WWOX: variants seen among roughly 807,000 people sequenced by gnomAD.
The protein encoded by WWOX is WW domain containing oxidoreductase.
A neutral mutation model predicts 46.2 loss-of-function variants in WWOX; 69 were observed. The observed-to-expected ratio is 1.49, with a 90% CI of 1.23 to 1.82. The LOEUF (loss-of-function observed/expected upper bound fraction) is 1.82. Among genes scored for constraint, WWOX ranks in the 40% most tolerant of loss-of-function variants. The pLI is 0.00. For missense variants in WWOX, 919 were observed against 542.6 expected, an observed-to-expected ratio of 1.69 and a Z score of -6.89; for synonymous variants, 359 against 202.6, an observed-to-expected ratio of 1.77 and a Z score of -6.56.
chr16:78,519,386 C>G (rs1274636797), intron 8 of WWOX, among the ~76,000 whole-genome samples: 1 of 152,148 alleles, frequency 6.6e-6, no homozygotes, highest in Non-Finnish European at 1.5e-5. Context: ...GTTTCTTCCT[C>G]TACCCTCTTC....
chr16:79,169,017 G>A (rs1194980293), intron 8 of WWOX, among the ~76,000 whole-genome samples: 1 of 152,190 alleles, frequency 6.6e-6, no homozygotes, highest in Non-Finnish European at 1.5e-5. Context: ...CCCCTTTAAA[G>A]TGAAAGTTAT....
intron 8 of WWOX, among the ~76,000 whole-genome samples, chr16:78,972,214 G>A (rs1445794869): frequency 6.6e-6 from 1 of 152,046 alleles, no homozygotes; most frequent in Admixed American, 6.5e-5. Context: ...TGCTTGGAGG[G>A]GCGTTCAGAC....
At chr16:79,080,848 T>C (rs1370511885) in intron 8 of WWOX, among the ~76,000 whole-genome samples, 1 of 152,180 alleles carries the variant, frequency 6.6e-6, no homozygotes, top group Non-Finnish European at 1.5e-5. Context: ...GCTTTTATTC[T>C]AAGAGCAAAG....
chr16:78,756,866 A>G, intron 8 of WWOX: 1 of 701,950 alleles, frequency 1.4e-6, no homozygotes. Context: ...CAGACATCAG[A>G]GCATGTGACT....
intron 8 of WWOX, among the ~76,000 whole-genome samples, chr16:78,530,873 G>T (rs1428744639): frequency 2.0e-5 from 3 of 152,174 alleles, no homozygotes; most frequent in African/African-American, 7.2e-5. Flanking sequence ...TCCAGGAGCT[G>T]TGCTAAACGT....
intron 8 of WWOX, among the ~76,000 whole-genome samples, chr16:79,018,433 G>A (rs2550721): frequency 0.018 from 2,752 of 152,184 alleles, 89 homozygotes; most frequent in African/African-American, 0.061. Context: ...ATCCAAAAGC[G>A]GATTATTGAC....
chr16:79,196,056 G>A (rs375617967), intron 8 of WWOX, among the ~76,000 whole-genome samples: 2 of 152,178 alleles, frequency 1.3e-5, no homozygotes, highest in East Asian at 1.9e-4. Context: ...GTAGGAACCT[G>A]TTTGCATGTT....
chr16:78,902,942 G>A (rs781436181), intron 8 of WWOX, among the ~76,000 whole-genome samples: 17 of 152,224 alleles, frequency 1.1e-4, no homozygotes, highest in Non-Finnish European at 2.4e-4. Flanking sequence ...TCGCGGCTGA[G>A]TCGAGGATCC....
chr16:78,275,258 T>A (rs2151849888), intron 5 of WWOX, among the ~76,000 whole-genome samples: 1 of 152,318 alleles, frequency 6.6e-6, no homozygotes, highest in Admixed American at 6.5e-5. Context: ...CCTGGATTCT[T>A]GGTTTCTCTT....
chr16:79,034,192 A>C (rs918907631), intron 8 of WWOX, among the ~76,000 whole-genome samples: 2 of 152,144 alleles, frequency 1.3e-5, no homozygotes, highest in African/African-American at 4.8e-5. Flanking sequence ...TGCTACACTG[A>C]AGGGATATTT....
At chr16:78,436,657 C>G (rs1052816590) in intron 8 of WWOX, among the ~76,000 whole-genome samples, 1 of 152,172 alleles carries the variant, frequency 6.6e-6, no homozygotes, top group African/African-American at 2.4e-5. Context: ...AATTGGCGCT[C>G]TGAGCTTGCT....
chr16:78,278,754 G>C, intron 5 of WWOX: 4 of 1,146,196 alleles, frequency 3.5e-6, no homozygotes, highest in Non-Finnish European at 5.1e-6. Context: ...CTTCTATCTC[G>C]GTGATCTGAC....
chr16:78,844,931 G>A (rs1403685376), intron 8 of WWOX, among the ~76,000 whole-genome samples: 1 of 152,124 alleles, frequency 6.6e-6, no homozygotes, highest in African/African-American at 2.4e-5. Flanking sequence ...CTTTGGCCCT[G>A]AGAGAACAAC....
intron 8 of WWOX, among the ~76,000 whole-genome samples, chr16:79,012,805 T>C (rs1047323549): frequency 6.6e-6 from 1 of 152,236 alleles, no homozygotes; most frequent in Non-Finnish European, 1.5e-5. Flanking sequence ...TCTGTTTTCT[T>C]CCAGATCCTT....
chr16:78,863,463 T>G (rs1289148352), intron 8 of WWOX, among the ~76,000 whole-genome samples: 1 of 152,200 alleles, frequency 6.6e-6, no homozygotes, highest in Non-Finnish European at 1.5e-5. Context: ...AAGAGGGTAC[T>G]TGTCTTTCAT....
chr16:78,533,945 C>G (rs1452460089), intron 8 of WWOX, among the ~76,000 whole-genome samples: 2 of 152,158 alleles, frequency 1.3e-5, no homozygotes, highest in Non-Finnish European at 2.9e-5. Flanking sequence ...GTGCCAGATA[C>G]AGAGTAGTAA....
At chr16:78,508,634 C>A (rs181864271) in intron 8 of WWOX, among the ~76,000 whole-genome samples, 1 of 152,156 alleles carries the variant, frequency 6.6e-6, no homozygotes, top group Non-Finnish European at 1.5e-5. Context: ...TGATGTTGCT[C>A]ATTTTTGATA....
chr16:78,826,463 T>G (rs925513057), intron 8 of WWOX, among the ~76,000 whole-genome samples: 3 of 152,198 alleles, frequency 2.0e-5, no homozygotes, highest in Non-Finnish European at 2.9e-5. Flanking sequence ...CTTGCATCTT[T>G]CGTTTCTGGT....
chr16:78,293,266 AG>A (rs1438050101), intron 5 of WWOX, among the ~76,000 whole-genome samples: 2 of 152,290 alleles, frequency 1.3e-5, no homozygotes, highest in African/African-American at 4.8e-5. Context: ...ATTAACAAGG[AG>A]GATATTTGTA....
Sources: allele counts gnomAD v4.1 joint callset (sites outside exome capture counted in the v4.1 genomes callset), GRCh38; gene constraint gnomAD v4.1.1; transcripts MANE v1.5; gene names NCBI Gene and HGNC (gene_info 2026-07-23, HGNC 2026-07-21).